Variants in XPO4 observed in about 807,000 individuals in gnomAD.
The protein encoded by XPO4 is exportin-4.
In XPO4, 39 loss-of-function variants were observed where a neutral mutation model predicts 143.0. The observed-to-expected ratio is 0.27, with a 90% CI of 0.21 to 0.36. The LOEUF (loss-of-function observed/expected upper bound fraction) is 0.36, where lower values mean the gene tolerates loss of function less well. Among genes scored for constraint, XPO4 ranks in the 10% least tolerant of loss-of-function variants. The pLI, the probability that XPO4 is intolerant of heterozygous loss-of-function variation, is 1.00. For missense variants in XPO4, 907 were observed against 1,348.0 expected, an observed-to-expected ratio of 0.67 and a Z score of 5.12; for synonymous variants, 439 against 474.0, an observed-to-expected ratio of 0.93 and a Z score of 0.96.
In XPO4 at chr13:20,862,799, C is replaced by T. The variant is rs2060214013; in HGVS notation, c.235G>A (p.Val79Ile). 6.2e-7 allele frequency: 1 copy of T among 1,614,190 alleles called. No homozygotes were observed. Among genetic ancestry groups the T allele is most frequent in the East Asian group, 2.2e-5 (1 of 44,886 alleles). ...TTTTCCAAGAGAATCCACTCTCGGA[C>T]AACTGCTTCCATTATGGCTGTGGCA... ...QAATAIMEAV[V>I]REWILLEKGS... The change falls in exon 3 of 23, where the codon GTC becomes ATC. Residue 79 changes from valine to isoleucine, a missense_variant. Val to Ile is a conservative substitution (Grantham distance 29). Coordinates refer to ENST00000255305, the MANE Select transcript of XPO4 (RefSeq NM_022459.5).
intron 18 of XPO4, among the ~76,000 whole-genome samples, chr13:20,791,835 T>C (rs183928670): frequency 2.1e-3 from 321 of 152,332 alleles, no homozygotes; most frequent in Non-Finnish European, 3.1e-3. Flanking sequence ...ATGAGGGATA[T>C]GTGTCTACTT....
intron 4 of XPO4, among the ~76,000 whole-genome samples, chr13:20,845,741 T>C (rs1269135304): frequency 6.6e-6 from 1 of 152,204 alleles, no homozygotes; most frequent in African/African-American, 2.4e-5. Context: ...TTAAATAACA[T>C]GAGGATCAAC....
At chr13:20,799,022 GAAA>G in intron 16 of XPO4, 140 bp downstream of exon 16, 213 of 627,572 alleles carry the variant, frequency 3.4e-4, no homozygotes, top group Middle Eastern at 1.0e-3. Context: ...CCCTATCTCA[GAAA>G]AAAAAAAAAA....
At chr13:20,865,299 G>A (rs528157938) in intron 2 of XPO4, 15 of 190,702 alleles carry the variant, frequency 7.9e-5, no homozygotes, top group Middle Eastern at 2.7e-3. Context: ...CCACCACACC[G>A]GCTAATTTTG....
At chr13:20,893,766 CA>C (rs755303049) in intron 1 of XPO4, among the ~76,000 whole-genome samples, 4,530 of 108,248 alleles carry the variant, frequency 0.042, 111 homozygotes, top group South Asian at 0.12. Flanking sequence ...GACTCTGTCT[CA>C]AAAAAAAAAA....
intron 1 of XPO4, among the ~76,000 whole-genome samples, 179 bp from the exon 2 acceptor site, chr13:20,868,880 G>C (rs2060267175): frequency 6.6e-6 from 1 of 151,952 alleles, no homozygotes; most frequent in South Asian, 2.1e-4. Flanking sequence ...TTTAAAACAT[G>C]GTTTCAGAAA....
intron 21 of XPO4, 124 bp from the exon 22 acceptor site, chr13:20,787,181 T>A (rs1451314777): frequency 1.3e-5 from 11 of 878,316 alleles, no homozygotes; most frequent in East Asian, 8.0e-5. Context: ...CAATCTGAAA[T>A]TTTCCTTAAT....
At chr13:20,866,063 A>C (rs1566615717) in intron 2 of XPO4, 1 of 985,348 alleles carries the variant, frequency 1.0e-6, no homozygotes, top group Non-Finnish European at 1.2e-6. Context: ...GAAGTAAGCC[A>C]ATCCCTCACA....
chr13:20,799,208 A>AAACCTC lies in XPO4; in HGVS notation c.2273_2278dup (p.Gly759_Phe760insTer). On this transcript the variant is annotated stop_gained, in exon 16 of 23. Coordinates refer to ENST00000255305, the MANE Select transcript of XPO4 (RefSeq NM_022459.5). LOFTEE classifies it high-confidence loss of function. ...TTTGGTTTCTGTGTCCATATGTGCA[A>AAACCTC]AACCTCCTAAGACTAGAGCCTTCAT... is the stretch of plus-strand genomic sequence containing the variant. 6.2e-7 allele frequency: 1 copy of AAACCTC among 1,612,742 alleles called. No individual in the cohort carries two copies.
rs1428311155 is a variant in XPO4 at position 20,779,338 on chromosome 13, A to G, written c.*4384T>C. 2.0e-5 allele frequency: 3 copies of G among 152,646 alleles called. No individual in the cohort carries two copies. Among genetic ancestry groups the G allele is most frequent in the Non-Finnish European group, 4.4e-5 (3 of 68,036 alleles). 9.5% of individuals were successfully genotyped at this position (152,646 alleles called of 1,614,324 possible). A position where few individuals can be genotyped will look rare whatever the true frequency, so the allele number is the denominator to read the frequency against. ...ACCACACCAGGAAGCCTGGGCTCAG[A>G]AAACACTTGAGGTCAGATCCCTAGT... is the stretch of plus-strand genomic sequence containing the variant. On this transcript the variant is annotated 3_prime_UTR_variant, in exon 23 of 23. Coordinates refer to ENST00000255305, the MANE Select transcript of XPO4 (RefSeq NM_022459.5).
intron 13 of XPO4, 116 bp downstream of exon 13, chr13:20,807,341 T>C (rs1338657342): frequency 9.2e-7 from 1 of 1,081,252 alleles, no homozygotes; most frequent in Non-Finnish European, 1.3e-6. Flanking sequence ...CAAGTTTTCA[T>C]TTTTTTCATG....
intron 7 of XPO4, among the ~76,000 whole-genome samples, chr13:20,822,699 T>C (rs953667132): frequency 6.6e-6 from 1 of 152,224 alleles, no homozygotes; most frequent in African/African-American, 2.4e-5. Context: ...GATGCTGCTT[T>C]AGTGGAAGTA....
Position 20,855,673 on chromosome 13 carries a change from A to G in XPO4, c.410T>C (p.Ile137Thr). 6.2e-7 allele frequency: 1 copy of G among 1,612,428 alleles called. No individual in the cohort carries two copies. The highest frequency in any genetic ancestry group is 8.5e-7 in the Non-Finnish European group (1 of 1,179,662). The change falls in exon 4 of 23, where the codon ATT (isoleucine) becomes ACT (threonine). Residue 137 changes from isoleucine (I) to threonine (T), a missense_variant. Physicochemically the swap from Ile to Thr is moderately conservative, Grantham distance 89. Transcript: ENST00000255305. ...SLDKSIDCKS[I>T]FHEVSQLISS... ...AATCAACTGGCTGACTTCATGAAAAATGCTTTTGCAGTCAATTGATTTATC... is the reference window on the plus strand; with the variant it reads ...AATCAACTGGCTGACTTCATGAAAAGTGCTTTTGCAGTCAATTGATTTATC...
At chr13:20,796,440 C>T in intron 17 of XPO4, among the ~76,000 whole-genome samples, 184 bp from the exon 18 acceptor site, 1 of 151,378 alleles carries the variant, frequency 6.6e-6, no homozygotes. Flanking sequence ...TAATTTTACC[C>T]CTTTTCTAAC....
intron 6 of XPO4, among the ~76,000 whole-genome samples, chr13:20,833,592 C>T (rs2059878655): frequency 6.6e-6 from 1 of 151,194 alleles, no homozygotes; most frequent in African/African-American, 2.4e-5. Context: ...ATTTTTGATC[C>T]TCAGTTGAAT....
chr13:20,785,932 AAAG>A (rs974922761), intron 22 of XPO4, among the ~76,000 whole-genome samples: 4 of 150,808 alleles, frequency 2.7e-5, no homozygotes, highest in Non-Finnish European at 4.4e-5. Flanking sequence ...AAAGGAAAGA[AAAG>A]AAAAATGAAA....
intron 18 of XPO4, among the ~76,000 whole-genome samples, chr13:20,792,060 TC>T (rs1361812802): frequency 6.6e-6 from 1 of 152,158 alleles, no homozygotes; most frequent in Non-Finnish European, 1.5e-5. Flanking sequence ...AGAAGACACG[TC>T]TCTCAGAGCC....
chr13:20,849,257 A>G (rs1471258083), intron 4 of XPO4: 4 of 985,326 alleles, frequency 4.1e-6, no homozygotes, highest in African/African-American at 1.7e-5. Context: ...GCAAACATCA[A>G]TGAGACTTAT....
Position 20,781,563 on chromosome 13 carries a change from G to T in XPO4, c.*2159C>A, listed in dbSNP as rs1424528511. On this transcript the variant is annotated 3_prime_UTR_variant, in exon 23 of 23. Transcript: ENST00000255305. ...GGTGAAATTTTCTATTTTTAGTATT[G>T]TAATAGGATCTGGGCAAATTTTGCA... The T allele has an allele frequency of 1.3e-5, 2 of 152,634 alleles. No homozygotes were observed. The highest frequency in any genetic ancestry group is 2.9e-5 in the Non-Finnish European group (2 of 68,038). The allele number at this position is 152,634 out of a possible 1,614,324, so 9.5% of individuals were successfully genotyped here.
Sources: allele counts gnomAD v4.1 joint callset (sites outside exome capture counted in the v4.1 genomes callset), GRCh38; gene constraint gnomAD v4.1.1; transcripts MANE v1.5; gene names NCBI Gene and HGNC (gene_info 2026-07-23, HGNC 2026-07-21).